The following GFRA2 variants were observed in gnomAD, a reference collection of about 807,000 sequenced individuals.
GFRA2 encodes the protein GDNF family receptor alpha-2.
In GFRA2, 17 loss-of-function variants were observed where a neutral mutation model predicts 48.3. The observed-to-expected ratio is 0.35, with a 90% CI of 0.24 to 0.53. GFRA2 has a LOEUF of 0.53. Among genes scored for constraint, GFRA2 ranks in the 20% least tolerant of loss-of-function variants. GFRA2 has a pLI of 0.93. For synonymous variants in GFRA2, 305 were observed against 257.2 expected (o/e 1.19, Z -1.78); for missense variants, 660 against 637.3 (o/e 1.04, Z -0.38).
intron 4 of GFRA2, among the ~76,000 whole-genome samples, chr8:21,706,904 C>A (rs1802778243): frequency 6.6e-6 from 1 of 152,178 alleles, no homozygotes; most frequent in African/African-American, 2.4e-5. Flanking sequence ...TATGCATGGC[C>A]ATCTCCATTC....
At chr8:21,707,194 A>C (rs1802791115) in intron 4 of GFRA2, among the ~76,000 whole-genome samples, 1 of 152,332 alleles carries the variant, frequency 6.6e-6, no homozygotes, top group Non-Finnish European at 1.5e-5. Context: ...TGACTCGACA[A>C]GCTAGCTGCA....
intron 2 of GFRA2, among the ~76,000 whole-genome samples, chr8:21,780,119 A>T (rs1400292783): frequency 6.6e-6 from 1 of 150,444 alleles, no homozygotes; most frequent in Non-Finnish European, 1.5e-5. Context: ...GGAAAGAGTC[A>T]TCTGCATTCA....
chr8:21,763,530 C>T (rs1806010023), intron 3 of GFRA2, among the ~76,000 whole-genome samples: 1 of 152,158 alleles, frequency 6.6e-6, no homozygotes, highest in Admixed American at 6.5e-5. Flanking sequence ...CTGCACAACA[C>T]TCTATCTGCC....
chr8:21,743,654 C>T (rs954460923), intron 4 of GFRA2, among the ~76,000 whole-genome samples: 9 of 152,104 alleles, frequency 5.9e-5, no homozygotes, highest in Admixed American at 2.0e-4. Flanking sequence ...AGAAATAGTC[C>T]CAGGACCCCC....
chr8:21,724,988 A>G (rs1289836058), intron 4 of GFRA2, among the ~76,000 whole-genome samples: 3 of 152,190 alleles, frequency 2.0e-5, no homozygotes, highest in African/African-American at 7.2e-5. Flanking sequence ...ATCCTTGGAC[A>G]CTGGCCTTCC....
At chr8:21,754,505 C>CTTTT (rs59344047) in intron 3 of GFRA2, among the ~76,000 whole-genome samples, 86 of 121,230 alleles carry the variant, frequency 7.1e-4, no homozygotes, top group Non-Finnish European at 1.1e-3. Flanking sequence ...CTTTTTTTTT[C>CTTTT]TTTTTTTTTT....
chr8:21,728,019 A>C (rs2117477547), intron 4 of GFRA2, among the ~76,000 whole-genome samples: 1 of 152,124 alleles, frequency 6.6e-6, no homozygotes, highest in East Asian at 1.9e-4. Flanking sequence ...CAGAAAATAA[A>C]CTCCTCATCA....
chr8:21,796,312 C>T (rs1807675851), intron 2 of GFRA2, among the ~76,000 whole-genome samples: 2 of 152,244 alleles, frequency 1.3e-5, no homozygotes, highest in African/African-American at 4.8e-5. Context: ...TGGCCATCTG[C>T]CAGGTACCCG....
chr8:21,705,080 A>G lies in GFRA2; in HGVS notation c.950T>C (p.Ile317Thr), dbSNP rs1432074567. ...PNYVDSSPTG[I>T]VVSPWCSCRG... ...ACAGCTGCACCAGGGGGACACCACG[A>G]TGCCAGTGGGGCTGGAGTCCACATA... Residue 317 changes from isoleucine (I) to threonine (T), a missense_variant, in exon 6 of 9, where the codon ATC becomes ACC. Physicochemically the swap from Ile to Thr is moderately conservative, Grantham distance 89. Transcript: ENST00000524240. 1 of 1,611,036 alleles carries G rather than the reference A, an allele frequency of 6.2e-7. No individual in the cohort carries two copies. The highest frequency in any genetic ancestry group is 2.2e-5 in the East Asian group (1 of 44,848).
chr8:21,765,254 C>T (rs969284396), intron 3 of GFRA2, among the ~76,000 whole-genome samples: 7 of 152,076 alleles, frequency 4.6e-5, no homozygotes, highest in Middle Eastern at 3.4e-3. Flanking sequence ...CAGGACCACC[C>T]GCATGTGCCA....
Position 21,788,180 on chromosome 8 carries a change from T to G in GFRA2, c.-21A>C. On this transcript the variant is annotated 5_prime_UTR_variant, in exon 1 of 9. Transcript: ENST00000524240. Reference sequence around the variant, plus strand: ...ATCATGTTAAATAAATCCCACCGTTTTTTTGTCTTTCTCCCTTGGGTAAAA... The same window carrying G: ...ATCATGTTAAATAAATCCCACCGTTGTTTTGTCTTTCTCCCTTGGGTAAAA... 2 of 1,601,696 alleles carry G rather than the reference T, an allele frequency of 1.2e-6. No homozygotes were observed. The highest frequency in any genetic ancestry group is 1.7e-5 in the Admixed American group (1 of 58,678).
intron 4 of GFRA2, among the ~76,000 whole-genome samples, chr8:21,746,204 A>G (rs956311811): frequency 2.1e-4 from 32 of 152,040 alleles, no homozygotes; most frequent in African/African-American, 7.0e-4. Context: ...ACCTCCATCC[A>G]TCACCTGCAG....
chr8:21,802,009 C>T (rs1335216757), intron 2 of GFRA2, among the ~76,000 whole-genome samples: 1 of 152,244 alleles, frequency 6.6e-6, no homozygotes, highest in African/African-American at 2.4e-5. Context: ...CAGCACGCTG[C>T]CTTGCTCTAG....
intron 1 of GFRA2, among the ~76,000 whole-genome samples, chr8:21,809,488 C>A (rs987479904): frequency 1.0e-5 from 1 of 96,974 alleles, no homozygotes; most frequent in Non-Finnish European, 1.8e-5. Flanking sequence ...CCATGCCCAG[C>A]TATTTTTTTT....
At chr8:21,706,144 G>C in intron 4 of GFRA2, 103 bp from the exon 5 acceptor site, 1 of 737,844 alleles carries the variant, frequency 1.4e-6, no homozygotes, top group Admixed American at 2.3e-5. Context: ...CAGCTTCCCA[G>C]GGTGGAAGAA....
intron 4 of GFRA2, among the ~76,000 whole-genome samples, chr8:21,713,491 C>A (rs985714259): frequency 2.6e-5 from 4 of 152,124 alleles, no homozygotes; most frequent in African/African-American, 9.6e-5. Context: ...CCACCACACC[C>A]AGCTTGGCAA....
chr8:21,809,387 C>T (rs1330947709), intron 1 of GFRA2, among the ~76,000 whole-genome samples: 13 of 152,184 alleles, frequency 8.5e-5, no homozygotes, highest in Non-Finnish European at 1.3e-4. Context: ...TGCAGTGGCG[C>T]GATCTCAGCT....
At position 21,702,808 on chromosome 8, in the gene GFRA2, G is replaced by C; in HGVS notation, c.1215C>G (p.Val405=). ...GTSVITTCTS[V]QEQGLKANNS... ...CGCCTCAGCCACACACCCTCACCTGGACAGACGTGCAGGTGGTGATGACAC... is the reference window on the plus strand; with the variant it reads ...CGCCTCAGCCACACACCCTCACCTGCACAGACGTGCAGGTGGTGATGACAC... Residue 405 remains valine (V), a synonymous_variant, in exon 7 of 9, where the codon GTC becomes GTG. Transcript: ENST00000524240. 1 of 1,603,708 alleles carries C rather than the reference G, an allele frequency of 6.2e-7. No individual in the cohort carries two copies. Among genetic ancestry groups the C allele is most frequent in the Non-Finnish European group, 8.5e-7 (1 of 1,175,120 alleles).
At chr8:21,695,922 G>A (rs1802142560) in intron 7 of GFRA2, among the ~76,000 whole-genome samples, 1 of 152,086 alleles carries the variant, frequency 6.6e-6, no homozygotes. Context: ...CGGACACCCA[G>A]CGTCACTTCC....
Sources: allele counts gnomAD v4.1 joint callset (sites outside exome capture counted in the v4.1 genomes callset), GRCh38; gene constraint gnomAD v4.1.1; transcripts MANE v1.5; gene names NCBI Gene and HGNC (gene_info 2026-07-23, HGNC 2026-07-21).